The following MAP3K2 variants were observed in gnomAD, a reference collection of about 807,000 sequenced individuals.
The protein encoded by MAP3K2 is MAP/ERK kinase kinase 2.
MAP3K2 carries 24 observed loss-of-function variants against 80.3 expected under a neutral mutation model. The ratio of observed to expected loss-of-function variants is 0.30; its 90% CI spans 0.22 to 0.42. The LOEUF (loss-of-function observed/expected upper bound fraction) is 0.42. Ranked by LOEUF, MAP3K2 falls within the 10% of genes least tolerant of loss-of-function variation. MAP3K2 has a pLI of 1.00. For synonymous variants in MAP3K2, 244 were observed against 253.7 expected, an observed-to-expected ratio of 0.96 and a Z score of 0.36; for missense variants, 608 against 750.1, an observed-to-expected ratio of 0.81 and a Z score of 2.21.
In MAP3K2 at chr2:127,322,384, G is replaced by T; in HGVS notation, c.839-132C>A. 1 of 599,762 alleles carries T rather than the reference G, an allele frequency of 1.7e-6. No individual in the cohort carries two copies. Among genetic ancestry groups the T allele is most frequent in the Non-Finnish European group, 2.9e-6 (1 of 343,560 alleles). 37.2% of individuals were successfully genotyped at this position (599,762 alleles called of 1,614,324 possible). A position where few individuals can be genotyped will look rare whatever the true frequency, so the allele number is the denominator to read the frequency against. ...CTAAGAAACTCAAATAGGAATGATT[G>T]GGTGGGAAAAAATAAACAGGATCTG... On this transcript the variant is annotated intron_variant, in intron 11 of 16. Transcript: ENST00000682094. This position sits in a 1 kb window ranked among gnomAD's most constrained non-coding sequence, Gnocchi z 4.2.
intron 1 of MAP3K2, chr2:127,378,153 T>C (rs1276001775): frequency 1.0e-6 from 1 of 984,282 alleles, no homozygotes; most frequent in Non-Finnish European, 1.2e-6. Flanking sequence ...AATGGAGATC[T>C]AAAAAACTAC....
At position 127,339,361 on chromosome 2, in the gene MAP3K2, TAAACA is replaced by T. The variant is rs1686433606; in HGVS notation, c.5-316_5-312del. Among the ~76,000 whole-genome samples, 1 of 151,854 alleles carries T rather than the reference TAAACA, an allele frequency of 6.6e-6. No individual in the cohort carries two copies. The highest frequency in any genetic ancestry group is 2.4e-5 in the African/African-American group (1 of 41,338). On this transcript the variant is annotated intron_variant, in intron 2 of 16. Coordinates refer to ENST00000682094, the MANE Select transcript of MAP3K2 (RefSeq NM_001371910.2). The surrounding 1 kb of genome is among the most constrained non-coding windows in gnomAD (Gnocchi z 4.2). The stretch of plus-strand genomic sequence containing the variant: ...ATAACAAATTCTTTTCTATGACTCC[TAAACA>T]AAACATCAAGGTATCTAAAATGTTT...
intron 5 of MAP3K2, among the ~76,000 whole-genome samples, chr2:127,332,799 C>T (rs1042398369): frequency 6.6e-6 from 1 of 152,056 alleles, no homozygotes; most frequent in Non-Finnish European, 1.5e-5. Flanking sequence ...GAATTATCTT[C>T]CTGAATTTAC....
intron 14 of MAP3K2, chr2:127,316,910 G>A (rs142343776): frequency 5.9e-5 from 9 of 152,222 alleles, no homozygotes; most frequent in Non-Finnish European, 1.0e-4. Context: ...AAATTAGAAC[G>A]ATACAGAGAA....
At chr2:127,345,954 G>A (rs1329932093) in intron 1 of MAP3K2, among the ~76,000 whole-genome samples, 1 of 151,782 alleles carries the variant, frequency 6.6e-6, no homozygotes, top group East Asian at 1.9e-4. Context: ...ACTAGAAGAT[G>A]AGGAACAATT....
chr2:127,346,974 G>C (rs1332427259), intron 1 of MAP3K2, among the ~76,000 whole-genome samples: 2 of 151,884 alleles, frequency 1.3e-5, no homozygotes, highest in Admixed American at 6.6e-5. Context: ...CCGCGCGACA[G>C]AGCGAGACTC....
chr2:127,338,279 G>T (rs1299051196), intron 3 of MAP3K2, among the ~76,000 whole-genome samples: 1 of 152,056 alleles, frequency 6.6e-6, no homozygotes, highest in Non-Finnish European at 1.5e-5. Context: ...TTCTGGGAAG[G>T]GGTCAACGTT....
chr2:127,340,084 G>A (rs1393671092), intron 2 of MAP3K2, among the ~76,000 whole-genome samples: 2 of 152,024 alleles, frequency 1.3e-5, no homozygotes, highest in Non-Finnish European at 1.5e-5. Context: ...ACTTAATATA[G>A]TCTATTTTGT....
At chr2:127,312,363 G>A (rs1685823148) in intron 15 of MAP3K2, among the ~76,000 whole-genome samples, 1 of 152,166 alleles carries the variant, frequency 6.6e-6, no homozygotes, top group Non-Finnish European at 1.5e-5. Context: ...GTTTCATTAT[G>A]ACTTCACGGG....
chr2:127,367,784 C>T (rs1686997474), intron 1 of MAP3K2, among the ~76,000 whole-genome samples: 1 of 152,128 alleles, frequency 6.6e-6, no homozygotes, highest in Non-Finnish European at 1.5e-5. Context: ...CAGAGTGAGA[C>T]TCCGTCTCAA....
At chr2:127,343,539 A>G (rs1686539579) in intron 1 of MAP3K2, among the ~76,000 whole-genome samples, 1 of 152,208 alleles carries the variant, frequency 6.6e-6, no homozygotes, top group Admixed American at 6.5e-5. Flanking sequence ...ACAAATCAGC[A>G]ATCAGGCCCA....
At chr2:127,318,027 A>C in intron 13 of MAP3K2, 142 bp downstream of exon 13, 1 of 761,654 alleles carries the variant, frequency 1.3e-6, no homozygotes, top group Non-Finnish European at 1.9e-6. Flanking sequence ...TTTTACAAAT[A>C]ATTTATACTA....
Position 127,307,812 on chromosome 2 carries a change from G to C in MAP3K2, c.1635-8C>G. On this transcript the variant is annotated splice_polypyrimidine_tract_variant and splice_region_variant and intron_variant, in intron 16 of 16. Coordinates refer to ENST00000682094, the MANE Select transcript of MAP3K2 (RefSeq NM_001371910.2). This position sits in a 1 kb window ranked among gnomAD's most constrained non-coding sequence, Gnocchi z 5.4. ...ACAGTACATGCAACACTCCTGAAAA[G>C]AAACAAAAAGAAATACATTACACAA... is the stretch of plus-strand genomic sequence containing the variant. The C allele has an allele frequency of 1.3e-6, 2 of 1,544,980 alleles. No homozygotes were observed. Among genetic ancestry groups the C allele is most frequent in the East Asian group, 2.3e-5 (1 of 42,644 alleles).
chr2:127,337,648 A>G (rs897891625), intron 4 of MAP3K2, 90 bp downstream of exon 4: 1 of 766,078 alleles, frequency 1.3e-6, no homozygotes. Flanking sequence ...ATGAAACTTC[A>G]TTCAAATCTG....
intron 1 of MAP3K2, among the ~76,000 whole-genome samples, chr2:127,386,513 G>C (rs1687350041): frequency 6.6e-6 from 1 of 152,184 alleles, no homozygotes; most frequent in Non-Finnish European, 1.5e-5. Context: ...CCAACTGTGA[G>C]TTCCCTTTGG....
chr2:127,356,999 A>G (rs1219820003), intron 1 of MAP3K2, among the ~76,000 whole-genome samples: 2 of 152,204 alleles, frequency 1.3e-5, no homozygotes, highest in African/African-American at 4.8e-5. Context: ...AATATCCAGA[A>G]TCTACAAGGA....
chr2:127,382,595 C>A (rs550895244), intron 1 of MAP3K2, among the ~76,000 whole-genome samples: 1 of 152,246 alleles, frequency 6.6e-6, no homozygotes, highest in Non-Finnish European at 1.5e-5. Context: ...TGCAGCAGCA[C>A]GATCTTGGCT....
At chr2:127,349,639 A>T (rs1234964709) in intron 1 of MAP3K2, among the ~76,000 whole-genome samples, 2 of 152,122 alleles carry the variant, frequency 1.3e-5, no homozygotes, top group African/African-American at 4.8e-5. Flanking sequence ...AGATAATATA[A>T]CTTATAAAGT....
At chr2:127,366,324 G>T (rs1686970366) in intron 1 of MAP3K2, among the ~76,000 whole-genome samples, 1 of 149,666 alleles carries the variant, frequency 6.7e-6, no homozygotes, top group South Asian at 2.1e-4. Flanking sequence ...GAGGTGGGAG[G>T]ATCCCTTGAG....
Sources: gnomAD v4.1 joint callset for allele counts (sites outside exome capture counted in the v4.1 genomes callset) on GRCh38, gnomAD v4.1.1 for gene constraint, Gnocchi (gnomAD v3.1) non-coding constraint, MANE v1.5 for transcripts, NCBI Gene and HGNC (gene_info 2026-07-23, HGNC 2026-07-21) for gene names.